Variants in SHB observed in about 807,000 individuals in gnomAD.
SHB encodes SH2 domain containing adaptor protein B, also known as SH2 domain-containing adapter protein B.
Under a neutral mutation model 52.3 loss-of-function variants are expected in SHB, and 20 were observed. The ratio of observed to expected loss-of-function variants is 0.38; its 90% confidence interval spans 0.27 to 0.56. SHB has a LOEUF of 0.56. Ranked by LOEUF, SHB falls within the 20% of genes least tolerant of loss-of-function variation. The pLI is 0.71. For synonymous variants in SHB, 397 were observed against 316.5 expected (o/e 1.25, Z -2.70); for missense variants, 825 against 723.3 (o/e 1.14, Z -1.61).
At chr9:38,055,307 C>T (rs1026979014) in intron 1 of SHB, among the ~76,000 whole-genome samples, 1 of 152,156 alleles carries the variant, frequency 6.6e-6, no homozygotes, top group Non-Finnish European at 1.5e-5. Flanking sequence ...ATCAACCTCA[C>T]AGCAAACACT....
chr9:38,006,018 C>T (rs1270779412), intron 2 of SHB, among the ~76,000 whole-genome samples: 2 of 151,274 alleles, frequency 1.3e-5, no homozygotes, highest in Non-Finnish European at 1.5e-5. Flanking sequence ...TCAAAGGTGA[C>T]CACATCTCAA....
chr9:38,040,118 T>C (rs184816389), intron 1 of SHB, among the ~76,000 whole-genome samples: 1 of 152,348 alleles, frequency 6.6e-6, no homozygotes, highest in African/African-American at 2.4e-5. Context: ...CCATAGCCGC[T>C]ATCTGCTGTG....
At position 38,057,968 on chromosome 9, in the gene SHB, TGCAACATA is replaced by T. The variant is rs531031779; in HGVS notation, c.717+9953_717+9960del. ...CGCCCTGTGGTGCCCAGCTCAGCCATGCAACATAGCAGGTGGCCTCTTTTGAATTAGGA... is the reference window on the plus strand; with the variant it reads ...CGCCCTGTGGTGCCCAGCTCAGCCATGCAGGTGGCCTCTTTTGAATTAGGA... On this transcript the variant is annotated intron_variant, in intron 1 of 5. Coordinates refer to ENST00000377707, the MANE Select transcript of SHB (RefSeq NM_003028.3). 2.2e-3 allele frequency among the ~76,000 whole-genome samples: 332 copies of T among 152,360 alleles called. 1 individual carries two copies. The highest frequency in any genetic ancestry group is 7.7e-3 in the African/African-American group (320 of 41,582).
At position 37,916,797 on chromosome 9, in the gene SHB, T is replaced by C. The variant is rs1832105291; in HGVS notation, c.*3024A>G. Among the ~76,000 whole-genome samples the C allele has an allele frequency of 1.3e-5, 2 of 152,088 alleles. No homozygotes were observed. The highest frequency in any genetic ancestry group is 4.8e-5 in the African/African-American group (2 of 41,412). ...GCCTCCTTTCTTTCTGTGGGCGCCATCCTGTTTGGGGGGCTGCCAGAAGGG... is the reference window on the plus strand; with the variant it reads ...GCCTCCTTTCTTTCTGTGGGCGCCACCCTGTTTGGGGGGCTGCCAGAAGGG... On this transcript the variant is annotated 3_prime_UTR_variant, in exon 6 of 6. Transcript: ENST00000377707.
intron 5 of SHB, 52 bp downstream of exon 5, chr9:37,948,583 G>A (rs1466969637): frequency 6.3e-7 from 1 of 1,599,280 alleles, no homozygotes; most frequent in Non-Finnish European, 8.5e-7. Flanking sequence ...GTGGCCGGCT[G>A]CGCTCGCAGA....
intron 2 of SHB, among the ~76,000 whole-genome samples, chr9:37,990,907 T>G (rs879593526): frequency 1.3e-5 from 2 of 152,234 alleles, no homozygotes; most frequent in African/African-American, 2.4e-5. Context: ...AAACTGTGTT[T>G]GTAGATACGC....
intron 2 of SHB, among the ~76,000 whole-genome samples, chr9:37,986,112 T>G (rs2244322): frequency 0.57 from 86,802 of 151,928 alleles, 25,173 homozygotes; most frequent in East Asian, 0.75. Flanking sequence ...TCAGGGAGGA[T>G]GTGGCATTTC....
chr9:38,015,993 C>A lies in SHB; in HGVS notation c.838+18G>T. 8 of 1,613,270 alleles carry A rather than the reference C, an allele frequency of 5.0e-6. No individual in the cohort carries two copies. Among genetic ancestry groups the A allele is most frequent in the South Asian group, 1.1e-5 (1 of 90,930 alleles). ...CTACAACCCCAGCTGTGAGCCCCTGCGCTTCAGCTCCACTTACCTGTCATG... is the reference window on the plus strand; with the variant it reads ...CTACAACCCCAGCTGTGAGCCCCTGAGCTTCAGCTCCACTTACCTGTCATG... On this transcript the variant is annotated intron_variant, in intron 2 of 5. Coordinates refer to ENST00000377707, the MANE Select transcript of SHB (RefSeq NM_003028.3).
At chr9:38,042,523 G>C (rs968325761) in intron 1 of SHB, among the ~76,000 whole-genome samples, 14 of 152,186 alleles carry the variant, frequency 9.2e-5, no homozygotes, top group African/African-American at 3.4e-4. Context: ...TCCTGGGGCA[G>C]CTCAAAGCAA....
chr9:37,936,878 A>G lies in SHB; in HGVS notation c.1346+11757T>C, dbSNP rs559955584. 7.9e-5 allele frequency: 12 copies of G among 152,278 alleles called. No individual in the cohort carries two copies. The East Asian group carries it at 2.3e-3, about 29-fold the overall frequency. The allele number at this position is 152,278 out of a possible 1,614,324, so 9.4% of individuals were successfully genotyped here. Reference sequence around the variant, plus strand: ...AGCCAGCTACCCTAGCCAAGTTGGGACCTTAGGGAGGAAGGACACTGCATA... The same window carrying G: ...AGCCAGCTACCCTAGCCAAGTTGGGGCCTTAGGGAGGAAGGACACTGCATA... On this transcript the variant is annotated intron_variant, in intron 5 of 5. Transcript: ENST00000377707.
intron 3 of SHB, among the ~76,000 whole-genome samples, chr9:37,959,072 T>A (rs894426173): frequency 6.6e-6 from 1 of 151,960 alleles, no homozygotes; most frequent in African/African-American, 2.4e-5. Context: ...CCTCTCTGAG[T>A]GCTGGTGGAG....
At chr9:37,930,591 C>G (rs1832301936) in intron 5 of SHB, among the ~76,000 whole-genome samples, 1 of 152,196 alleles carries the variant, frequency 6.6e-6, no homozygotes, top group African/African-American at 2.4e-5. Context: ...ACCAACTGAC[C>G]AAGGGTGTTC....
intron 2 of SHB, among the ~76,000 whole-genome samples, chr9:38,008,662 G>A (rs1821101641): frequency 6.6e-6 from 1 of 152,196 alleles, no homozygotes; most frequent in African/African-American, 2.4e-5. Flanking sequence ...GCCTCGGGCA[G>A]GAAGCCTATA....
chr9:37,935,123 G>A (rs1170834949), intron 5 of SHB, among the ~76,000 whole-genome samples: 1 of 152,210 alleles, frequency 6.6e-6, no homozygotes, highest in Non-Finnish European at 1.5e-5. Flanking sequence ...CGAATATTTG[G>A]AGACTGTGAG....
intron 2 of SHB, among the ~76,000 whole-genome samples, chr9:37,988,029 G>C (rs1490379441): frequency 1.3e-5 from 2 of 152,156 alleles, no homozygotes; most frequent in Non-Finnish European, 2.9e-5. Context: ...GTATACCTGG[G>C]GCGTCACAGG....
chr9:38,038,902 C>T (rs1267955207), intron 1 of SHB, among the ~76,000 whole-genome samples: 1 of 152,116 alleles, frequency 6.6e-6, no homozygotes, highest in Admixed American at 6.5e-5. Context: ...GGAGTGTGTG[C>T]CAAAGAGAAC....
chr9:37,997,374 G>T (rs1260249027), intron 2 of SHB, among the ~76,000 whole-genome samples: 1 of 152,170 alleles, frequency 6.6e-6, no homozygotes, highest in Admixed American at 6.5e-5. Flanking sequence ...AGCTTGGGCT[G>T]CTGCCTAGAC....
At chr9:37,996,418 C>G (rs1478237915) in intron 2 of SHB, among the ~76,000 whole-genome samples, 1 of 152,228 alleles carries the variant, frequency 6.6e-6, no homozygotes, top group Non-Finnish European at 1.5e-5. Flanking sequence ...GTGGAGGGTC[C>G]TTAACTCAGG....
At chr9:37,958,242 G>A (rs564553058) in intron 3 of SHB, among the ~76,000 whole-genome samples, 4 of 152,342 alleles carry the variant, frequency 2.6e-5, no homozygotes, top group Admixed American at 2.6e-4. Flanking sequence ...CCAGTGGTCA[G>A]ATCCAGCCAC....
Sources: allele counts gnomAD v4.1 joint callset (sites outside exome capture counted in the v4.1 genomes callset), GRCh38; gene constraint gnomAD v4.1.1; transcripts MANE v1.5; gene names NCBI Gene and HGNC (gene_info 2026-07-23, HGNC 2026-07-21).